Variants in MCTP1 observed in about 807,000 individuals in gnomAD.
MCTP1 encodes the protein multiple C2 and transmembrane domain-containing protein 1.
A neutral mutation model predicts 120.6 loss-of-function variants in MCTP1; 69 were observed. That is an observed-to-expected ratio of 0.57 (90% CI 0.47 to 0.70). The LOEUF (loss-of-function observed/expected upper bound fraction) is 0.70. Ranked by LOEUF, MCTP1 falls within the 30% of genes least tolerant of loss-of-function variation. The probability of loss-of-function intolerance (pLI) is 0.00; values close to 1 mark genes in which losing one functional copy is unlikely to be tolerated. For missense variants in MCTP1, 1,203 were observed against 1,248.8 expected, an observed-to-expected ratio of 0.96 and a Z score of 0.55; for synonymous variants, 529 against 493.1, an observed-to-expected ratio of 1.07 and a Z score of -0.96.
chr5:95,164,842 C>A (rs1746139347), intron 1 of MCTP1, among the ~76,000 whole-genome samples: 1 of 152,054 alleles, frequency 6.6e-6, no homozygotes, highest in African/African-American at 2.4e-5. Context: ...AAATCTGTTT[C>A]TCATGGTCTA....
At chr5:95,063,647 G>T (rs2152122619) in intron 1 of MCTP1, among the ~76,000 whole-genome samples, 1 of 152,238 alleles carries the variant, frequency 6.6e-6, no homozygotes, top group Non-Finnish European at 1.5e-5. Flanking sequence ...CTAGGCTGGA[G>T]GGCAGTGGTG....
chr5:94,808,474 C>T (rs1252965352), intron 17 of MCTP1, among the ~76,000 whole-genome samples: 9 of 152,136 alleles, frequency 5.9e-5, no homozygotes, highest in Non-Finnish European at 1.2e-4. Context: ...TTCCTGTGAT[C>T]ATGCCACAAT....
chr5:95,102,999 A>G (rs972449521), intron 1 of MCTP1, among the ~76,000 whole-genome samples: 10 of 152,210 alleles, frequency 6.6e-5, no homozygotes, highest in Non-Finnish European at 2.9e-5. Context: ...TAGGATGGGA[A>G]TAGTACTCAA....
chr5:94,906,961 T>A (rs1807077077), intron 10 of MCTP1, among the ~76,000 whole-genome samples: 1 of 152,228 alleles, frequency 6.6e-6, no homozygotes, highest in South Asian at 2.1e-4. Context: ...ATGACAGTTT[T>A]ATTACTGTTA....
intron 1 of MCTP1, chr5:95,068,948 G>T: frequency 3.4e-6 from 1 of 291,874 alleles, no homozygotes; most frequent in Non-Finnish European, 5.4e-6. Context: ...AAGATTGTGA[G>T]CAGGTATCTT....
intron 5 of MCTP1, among the ~76,000 whole-genome samples, chr5:94,932,695 T>A (rs17337033): frequency 0.23 from 34,907 of 151,896 alleles, 5,005 homozygotes; most frequent in South Asian, 0.4. Context: ...CTCTTCACTT[T>A]AAAAAATTTC....
At chr5:94,989,767 T>A (rs189037931) in intron 2 of MCTP1, among the ~76,000 whole-genome samples, 1 of 152,102 alleles carries the variant, frequency 6.6e-6, no homozygotes, top group South Asian at 2.1e-4. Context: ...GGGATCCAGA[T>A]TGAGATCAAT....
intron 1 of MCTP1, among the ~76,000 whole-genome samples, chr5:95,156,873 T>C (rs1013364742): frequency 1.3e-5 from 2 of 152,210 alleles, no homozygotes; most frequent in African/African-American, 4.8e-5. Context: ...GGCAGTAAAA[T>C]ATAATTTCCT....
chr5:95,097,928 T>C (rs1275698541), intron 1 of MCTP1, among the ~76,000 whole-genome samples: 1 of 152,236 alleles, frequency 6.6e-6, no homozygotes, highest in Admixed American at 6.5e-5. Context: ...AAATACATTA[T>C]TAAAATGTTT....
intron 19 of MCTP1, among the ~76,000 whole-genome samples, chr5:94,721,533 G>A (rs1378221131): frequency 6.6e-6 from 1 of 152,138 alleles, no homozygotes; most frequent in African/African-American, 2.4e-5. Context: ...GTTTTGAAAA[G>A]CAAATGCTTT....
At chr5:94,784,934 C>T (rs1009694050) in intron 18 of MCTP1, 25 of 152,066 alleles carry the variant, frequency 1.6e-4, no homozygotes, top group Admixed American at 1.4e-3. Context: ...GTAATTTAGT[C>T]TGATTCTTAA....
intron 13 of MCTP1, among the ~76,000 whole-genome samples, chr5:94,872,660 A>C (rs1423700176): frequency 6.6e-6 from 1 of 152,088 alleles, no homozygotes; most frequent in East Asian, 1.9e-4. Context: ...AAATTAACTC[A>C]TAGGGTATTT....
chr5:94,850,183 T>G, intron 17 of MCTP1, among the ~76,000 whole-genome samples: 1 of 152,172 alleles, frequency 6.6e-6, no homozygotes. Context: ...AGAGGCCTCA[T>G]GATTTTCAAG....
At chr5:95,080,059 C>T (rs931723572) in intron 1 of MCTP1, among the ~76,000 whole-genome samples, 2 of 152,024 alleles carry the variant, frequency 1.3e-5, no homozygotes, top group African/African-American at 4.8e-5. Flanking sequence ...TTTCTTTTCT[C>T]TTTTTCAAAG....
At chr5:95,165,391 G>T (rs138777665) in intron 1 of MCTP1, among the ~76,000 whole-genome samples, 1 of 152,210 alleles carries the variant, frequency 6.6e-6, no homozygotes, top group East Asian at 1.9e-4. Context: ...TATTTAGTAC[G>T]CAGTAGAAAT....
intron 1 of MCTP1, among the ~76,000 whole-genome samples, chr5:95,183,975 G>A (rs1748906102): frequency 6.6e-6 from 1 of 152,006 alleles, no homozygotes; most frequent in African/African-American, 2.4e-5. Flanking sequence ...CATGGACGCA[G>A]GGAGGGGAAC....
intron 1 of MCTP1, among the ~76,000 whole-genome samples, chr5:95,072,740 A>AATT (rs764565186): frequency 1.0e-5 from 1 of 95,282 alleles, no homozygotes; most frequent in Non-Finnish European, 1.9e-5. Flanking sequence ...CTTAGCAACT[A>AATT]TTTTTTTTTT....
chr5:94,704,947 G>A lies in MCTP1; in HGVS notation c.*2549C>T, dbSNP rs964585967. The stretch of plus-strand genomic sequence containing the variant: ...TATTATGTTCTTTTTGATAAGTGGG[G>A]AAAAATTTAAAAGCACAAATACGCA... On this transcript the variant is annotated 3_prime_UTR_variant, in exon 23 of 23. Coordinates refer to ENST00000515393, the MANE Select transcript of MCTP1 (RefSeq NM_024717.7). 1 of 151,100 alleles carries A rather than the reference G, an allele frequency of 6.6e-6. No homozygotes were observed. The highest frequency in any genetic ancestry group is 1.5e-5 in the Non-Finnish European group (1 of 67,526). The allele number at this position is 151,100 out of a possible 1,614,324, so 9.4% of individuals were successfully genotyped here.
chr5:95,196,585 G>C (rs551697069), intron 1 of MCTP1, among the ~76,000 whole-genome samples: 1 of 152,172 alleles, frequency 6.6e-6, no homozygotes, highest in African/African-American at 2.4e-5. Flanking sequence ...AGAAAGAGTC[G>C]ATATAATCCA....
Sources: gnomAD v4.1 joint callset for allele counts (sites outside exome capture counted in the v4.1 genomes callset) on GRCh38, gnomAD v4.1.1 for gene constraint, MANE v1.5 for transcripts, NCBI Gene and HGNC (gene_info 2026-07-23, HGNC 2026-07-21) for gene names.